PHF14: variants seen among roughly 807,000 people sequenced by gnomAD.
PHF14 encodes the protein PHD finger protein 14.
PHF14 carries 55 observed loss-of-function variants against 117.9 expected under a neutral mutation model. The ratio of observed to expected loss-of-function variants is 0.47; its 90% CI spans 0.38 to 0.58. The LOEUF (loss-of-function observed/expected upper bound fraction) is 0.58. Ranked by LOEUF, PHF14 falls within the 20% of genes least tolerant of loss-of-function variation. The pLI is 0.00. For synonymous variants in PHF14, 409 were observed against 368.6 expected, an observed-to-expected ratio of 1.11 and a Z score of -1.26; for missense variants, 978 against 1,122.2, an observed-to-expected ratio of 0.87 and a Z score of 1.84.
intron 17 of PHF14, among the ~76,000 whole-genome samples, chr7:11,115,675 G>A (rs1218772736): frequency 6.6e-6 from 1 of 151,880 alleles, no homozygotes; most frequent in African/African-American, 2.4e-5. Context: ...ATTTAGGTTT[G>A]GCTATTAATC....
rs1562560775 is a variant in PHF14, at chr7:10,983,178, TA to T, written c.900+20del. On this transcript the variant is annotated intron_variant, in intron 3 of 17. Transcript: ENST00000634607. Reference sequence around the variant, plus strand: ...TAATGAGGTAGATCAACCCAATTTTTATATCTGTCTGTCTGGGGAAAAGGGA... The same window carrying T: ...TAATGAGGTAGATCAACCCAATTTTTTATCTGTCTGTCTGGGGAAAAGGGA... 1 of 1,569,628 alleles carries T rather than the reference TA, an allele frequency of 6.4e-7. No individual in the cohort carries two copies. Among genetic ancestry groups the T allele is most frequent in the Non-Finnish European group, 8.6e-7 (1 of 1,164,684 alleles).
intron 14 of PHF14, among the ~76,000 whole-genome samples, chr7:11,052,322 T>G (rs1412760399): frequency 2.0e-5 from 3 of 152,218 alleles, no homozygotes; most frequent in Non-Finnish European, 4.4e-5. Context: ...TTGTAGTTTA[T>G]TTATTGTCAC....
At chr7:11,020,596 C>A (rs1043776995) in intron 5 of PHF14, among the ~76,000 whole-genome samples, 7 of 152,116 alleles carry the variant, frequency 4.6e-5, no homozygotes, top group African/African-American at 1.7e-4. Flanking sequence ...GCAGGCTGGT[C>A]TCAAACTCCT....
At position 11,106,987 on chromosome 7, in the gene PHF14, T is replaced by A. The variant is rs1020415112; in HGVS notation, c.2655-4363T>A. The A allele has an allele frequency of 9.2e-6, 9 of 982,852 alleles. No homozygotes were observed. In the Admixed American group the frequency reaches 5.6e-4, roughly 61 times the overall value. 60.9% of individuals were successfully genotyped at this position (982,852 alleles called of 1,614,324 possible). A position where few individuals can be genotyped will look rare whatever the true frequency, so the allele number is the denominator to read the frequency against. Reference sequence around the variant, plus strand: ...AAAAATGTACATCCTTGTTCAAGTCTATGTTATGGATTTTGCTTCTTTCTA... The same window carrying A: ...AAAAATGTACATCCTTGTTCAAGTCAATGTTATGGATTTTGCTTCTTTCTA... On this transcript the variant is annotated intron_variant, in intron 16 of 17. Coordinates refer to ENST00000634607, the MANE Select transcript of PHF14 (RefSeq NM_001007157.2).
At chr7:11,102,384 T>C (rs1166746892) in intron 16 of PHF14, 12 of 1,257,068 alleles carry the variant, frequency 9.5e-6, no homozygotes, top group African/African-American at 4.4e-5. Flanking sequence ...TCATATGTTA[T>C]TTGAATCTAC....
intron 16 of PHF14, among the ~76,000 whole-genome samples, chr7:11,076,842 A>G (rs914548361): frequency 1.3e-5 from 2 of 150,766 alleles, no homozygotes; most frequent in Non-Finnish European, 2.9e-5. Context: ...TGCTGGGATT[A>G]CAGGCATGAG....
intron 14 of PHF14, among the ~76,000 whole-genome samples, chr7:11,054,729 C>G (rs1372818298): frequency 6.6e-6 from 1 of 152,188 alleles, no homozygotes; most frequent in East Asian, 1.9e-4. Flanking sequence ...ACTAATTTTT[C>G]TCTCCCATTG....
chr7:11,110,326 TAAAG>T (rs1387676175), intron 16 of PHF14: 1 of 152,738 alleles, frequency 6.5e-6, no homozygotes, highest in Non-Finnish European at 1.5e-5. Flanking sequence ...AGATAAACAA[TAAAG>T]AAAATCTGAC....
chr7:11,006,336 C>T, intron 4 of PHF14: 1 of 423,976 alleles, frequency 2.4e-6, no homozygotes, highest in Non-Finnish European at 4.5e-6. Context: ...TTAGTCATTT[C>T]TTTTCTTTTT....
chr7:11,041,424 T>G (rs774293313), intron 12 of PHF14, among the ~76,000 whole-genome samples: 21 of 150,272 alleles, frequency 1.4e-4, no homozygotes, highest in Non-Finnish European at 2.8e-4. Flanking sequence ...GCTGGTGTTT[T>G]TGTGTGTGTG....
intron 3 of PHF14, among the ~76,000 whole-genome samples, chr7:10,989,023 A>G (rs1030537455): frequency 2.0e-5 from 3 of 152,172 alleles, no homozygotes; most frequent in African/African-American, 7.2e-5. Flanking sequence ...AGTTTTCTTT[A>G]GGATGTTTTC....
In PHF14 at chr7:11,062,042, T is replaced by C; in HGVS notation, c.2611T>C (p.Cys871Arg). 1 of 1,608,366 alleles carries C rather than the reference T, an allele frequency of 6.2e-7. No homozygotes were observed. The highest frequency in any genetic ancestry group is 8.5e-7 in the Non-Finnish European group (1 of 1,176,982). ...CAAGGCTGAAGATTTAAGAACTGAA[T>C]GTGCAACTTGCAAGGGAACTGGAGA... ...KPKAEDLRTE[C>R]ATCKGTGDNE... is the part of the protein sequence containing the mutation. Residue 871 changes from cysteine to arginine, a missense_variant, in exon 16 of 18, where the codon TGT becomes CGT. Around this residue, in one of 7 missense-constraint regions of PHF14, gnomAD observed 180 missense variants for 195.4 expected, o/e 0.92. Coordinates refer to ENST00000634607, the MANE Select transcript of PHF14 (RefSeq NM_001007157.2).
Position 10,974,106 on chromosome 7 carries a change from G to C in PHF14, c.-218G>C, listed in dbSNP as rs1372453467. 2 of 548,894 alleles carry C rather than the reference G, an allele frequency of 3.6e-6. No individual in the cohort carries two copies. The highest frequency in any genetic ancestry group is 6.6e-6 in the Non-Finnish European group (2 of 304,698). The allele number at this position is 548,894 out of a possible 1,614,324, so 34.0% of individuals were successfully genotyped here. A position where few individuals can be genotyped will look rare whatever the true frequency, so the allele number is the denominator to read the frequency against. The stretch of plus-strand genomic sequence containing the variant: ...TCCGGCCAGGGAGCGCTGTGGGAAG[G>C]GGCTCGAGCGGCCAGGGCCAGGCGA... On this transcript the variant is annotated 5_prime_UTR_variant, in exon 1 of 18. Coordinates refer to ENST00000634607, the MANE Select transcript of PHF14 (RefSeq NM_001007157.2).
chr7:11,159,142 G>A (rs1487120873), intron 17 of PHF14, among the ~76,000 whole-genome samples: 3 of 151,710 alleles, frequency 2.0e-5, no homozygotes, highest in Non-Finnish European at 4.4e-5. Flanking sequence ...TTCTTATGTA[G>A]GTAATATTAT....
intron 17 of PHF14, among the ~76,000 whole-genome samples, chr7:11,164,288 A>G (rs1562491911): frequency 6.6e-6 from 1 of 152,206 alleles, no homozygotes; most frequent in Non-Finnish European, 1.5e-5. Context: ...GTTTGTTCAT[A>G]TGGCCAAATT....
intron 13 of PHF14, among the ~76,000 whole-genome samples, chr7:11,049,916 T>G (rs141050506): frequency 6.6e-6 from 1 of 152,202 alleles, no homozygotes; most frequent in African/African-American, 2.4e-5. Context: ...TAGCAATAGA[T>G]ACATAAAAGT....
intron 5 of PHF14, among the ~76,000 whole-genome samples, chr7:11,019,687 A>G (rs60502036): frequency 0.013 from 1,998 of 152,154 alleles, 43 homozygotes; most frequent in African/African-American, 0.046. Context: ...CAAAATACTA[A>G]CATTTTGTTT....
At chr7:11,073,044 G>T (rs1340518435) in intron 16 of PHF14, among the ~76,000 whole-genome samples, 2 of 152,134 alleles carry the variant, frequency 1.3e-5, no homozygotes, top group Non-Finnish European at 2.9e-5. Context: ...ATTTCAGCAT[G>T]TTATTTGAAT....
chr7:11,062,706 A>G lies in PHF14; in HGVS notation c.2654+621A>G, dbSNP rs1785270522. ...AATCAGAAATCTTAGCTGATGCTGC[A>G]CATTGGCTTTTCCCAACGGTCCAGA... is the stretch of plus-strand genomic sequence containing the variant. On this transcript the variant is annotated intron_variant, in intron 16 of 17. Transcript: ENST00000634607. The G allele has an allele frequency of 5.1e-6, 5 of 985,076 alleles. No homozygotes were observed. The African/African-American group carries it at 8.7e-5, about 17-fold the overall frequency. The allele number at this position is 985,076 out of a possible 1,614,324, so 61.0% of individuals were successfully genotyped here. A position where few individuals can be genotyped will look rare whatever the true frequency, so the allele number is the denominator to read the frequency against.
Sources: allele counts gnomAD v4.1 joint callset (sites outside exome capture counted in the v4.1 genomes callset), GRCh38; gene constraint gnomAD v4.1.1; regional missense constraint gnomAD v4.1.1; transcripts MANE v1.5; gene names NCBI Gene and HGNC (gene_info 2026-07-23, HGNC 2026-07-21).